Variants in GRIA1 observed in about 807,000 individuals in gnomAD.
GRIA1 encodes glutamate ionotropic receptor AMPA type subunit 1, also known as glutamate receptor 1.
GRIA1 carries 31 observed loss-of-function variants against 99.2 expected under a neutral mutation model. The observed-to-expected ratio is 0.31, with a 90% confidence interval of 0.23 to 0.42. GRIA1 has a LOEUF of 0.42. Ranked by LOEUF, GRIA1 falls within the 10% of genes least tolerant of loss-of-function variation. GRIA1 has a pLI of 1.00. For missense variants in GRIA1, 782 were observed against 1,157.5 expected (o/e 0.68, Z 4.71); for synonymous variants, 438 against 432.4 (o/e 1.01, Z -0.16).
chr5:153,801,357 T>A (rs1050540291), intron 14 of GRIA1, among the ~76,000 whole-genome samples: 1 of 146,958 alleles, frequency 6.8e-6, no homozygotes, highest in Non-Finnish European at 1.5e-5. Flanking sequence ...TTGATTGTTC[T>A]CACCACTTGG....
At chr5:153,711,023 G>A (rs1025120947) in intron 11 of GRIA1, among the ~76,000 whole-genome samples, 4 of 152,224 alleles carry the variant, frequency 2.6e-5, no homozygotes, top group African/African-American at 7.2e-5. Context: ...AGGTGAAAAG[G>A]AGTTTACTGC....
intron 11 of GRIA1, among the ~76,000 whole-genome samples, chr5:153,743,482 G>A (rs1372113042): frequency 1.3e-5 from 2 of 151,970 alleles, no homozygotes; most frequent in African/African-American, 2.4e-5. Context: ...TCAGTTTCTT[G>A]TAGATATAAG....
intron 1 of GRIA1, chr5:153,492,243 C>A (rs768805842): frequency 7.8e-6 from 12 of 1,535,302 alleles, no homozygotes; most frequent in Non-Finnish European, 1.0e-5. Context: ...AGCTAGCTGG[C>A]GGCTTGGAGT....
intron 11 of GRIA1, among the ~76,000 whole-genome samples, chr5:153,707,326 G>T (rs1758970152): frequency 6.6e-6 from 1 of 152,118 alleles, no homozygotes; most frequent in Admixed American, 6.5e-5. Context: ...AGAAAGGGTG[G>T]ACAGGAGATG....
rs185638907 is a variant in GRIA1 at position 153,569,763 on chromosome 5, C to T, written c.220+75698C>T. Among the ~76,000 whole-genome samples the T allele has an allele frequency of 3.2e-3, 492 of 152,256 alleles. 2 individuals are homozygous for T. Among genetic ancestry groups the T allele is most frequent in the Admixed American group, 6.8e-3 (104 of 15,282 alleles). ...AACTATTAAGATTCCTGCAGATAGG[C>T]ATAACTACTTACAGCCTTTTCTGTG... On this transcript the variant is annotated intron_variant, in intron 2 of 15. Transcript: ENST00000285900.
intron 5 of GRIA1, among the ~76,000 whole-genome samples, chr5:153,666,498 A>C (rs1265640013): frequency 6.6e-6 from 1 of 152,150 alleles, no homozygotes; most frequent in African/African-American, 2.4e-5. Flanking sequence ...TGAGTGCTTC[A>C]TTGCAGGACA....
intron 2 of GRIA1, among the ~76,000 whole-genome samples, chr5:153,501,779 G>A (rs1755034540): frequency 6.6e-6 from 1 of 152,200 alleles, no homozygotes; most frequent in Admixed American, 6.5e-5. Context: ...GTTTAGGGGT[G>A]CGTTGTCATG....
In GRIA1 at chr5:153,811,007, C is replaced by T. The variant is rs769314960; in HGVS notation, c.2521-18C>T. Reference sequence around the variant, plus strand: ...ATTGCCAAGGACCCGGGGAAGAACCCCCGGTCCTCCTGAAAAGGGTTTTTG... The same window carrying T: ...ATTGCCAAGGACCCGGGGAAGAACCTCCGGTCCTCCTGAAAAGGGTTTTTG... On this transcript the variant is annotated intron_variant, in intron 15 of 15. Coordinates refer to ENST00000285900, the MANE Select transcript of GRIA1 (RefSeq NM_000827.4). 13 of 1,606,764 alleles carry T rather than the reference C, an allele frequency of 8.1e-6. No individual in the cohort carries two copies. In the Admixed American group the frequency reaches 8.3e-5, roughly 10 times the overall value.
chr5:153,496,207 G>A (rs1033729634), intron 2 of GRIA1, among the ~76,000 whole-genome samples: 2 of 152,200 alleles, frequency 1.3e-5, no homozygotes, highest in Non-Finnish European at 2.9e-5. Flanking sequence ...GTTAATGACT[G>A]TTTATTAGGG....
chr5:153,492,365 A>G, intron 1 of GRIA1: 2 of 1,437,742 alleles, frequency 1.4e-6, no homozygotes, highest in South Asian at 1.4e-5. Context: ...TTCAGGGGAG[A>G]CACTTCCCTT....
intron 2 of GRIA1, among the ~76,000 whole-genome samples, chr5:153,495,697 A>T (rs1309323368): frequency 6.6e-6 from 1 of 152,184 alleles, no homozygotes; most frequent in African/African-American, 2.4e-5. Context: ...GTTACTCACT[A>T]CCCTTAAAAA....
At chr5:153,609,789 C>T (rs1765814096) in intron 2 of GRIA1, among the ~76,000 whole-genome samples, 1 of 151,972 alleles carries the variant, frequency 6.6e-6, no homozygotes. Flanking sequence ...TCTCGATCTC[C>T]TGACCTTGTG....
At position 153,560,448 on chromosome 5, in the gene GRIA1, AC is replaced by A. The variant is rs1246489844; in HGVS notation, c.220+66388del. Among the ~76,000 whole-genome samples, 4 of 152,066 alleles carry A rather than the reference AC, an allele frequency of 2.6e-5. 1 individual carries two copies. The highest frequency in any genetic ancestry group is 2.0e-4 in the Admixed American group (3 of 15,280). ...CTCATCTTGAATTGTAGCTCCCATAACCCCCACGTGTCAAGGGAGGGACCAG... is the reference window on the plus strand; with the variant it reads ...CTCATCTTGAATTGTAGCTCCCATAACCCCACGTGTCAAGGGAGGGACCAG... On this transcript the variant is annotated intron_variant, in intron 2 of 15. Transcript: ENST00000285900.
chr5:153,568,829 T>A (rs752532626), intron 2 of GRIA1, among the ~76,000 whole-genome samples: 1 of 152,200 alleles, frequency 6.6e-6, no homozygotes, highest in Non-Finnish European at 1.5e-5. Context: ...AAATTCACAT[T>A]TCCAACTCTG....
intron 11 of GRIA1, among the ~76,000 whole-genome samples, chr5:153,727,234 C>T (rs1027413477): frequency 6.6e-6 from 1 of 152,080 alleles, no homozygotes; most frequent in Admixed American, 6.5e-5. Flanking sequence ...TGGGACGTAT[C>T]TCAAAATAAT....
intron 2 of GRIA1, among the ~76,000 whole-genome samples, chr5:153,608,320 C>T (rs922575092): frequency 6.6e-6 from 1 of 152,046 alleles, no homozygotes; most frequent in Admixed American, 6.6e-5. Flanking sequence ...GAGCTTTTGG[C>T]AATTAATTCT....
chr5:153,587,743 T>C (rs773818790), intron 2 of GRIA1, among the ~76,000 whole-genome samples: 41 of 152,190 alleles, frequency 2.7e-4, no homozygotes, highest in Admixed American at 1.7e-3. Context: ...TCCCAGGCAA[T>C]GTGGTAGGCT....
chr5:153,625,449 C>CGACT (rs1425498045), intron 2 of GRIA1, among the ~76,000 whole-genome samples: 3 of 152,142 alleles, frequency 2.0e-5, no homozygotes, highest in African/African-American at 4.8e-5. Context: ...CGGCATTTGC[C>CGACT]GACTGACTTC....
At chr5:153,638,794 A>AT (rs1428851623) in intron 2 of GRIA1, among the ~76,000 whole-genome samples, 2 of 152,232 alleles carry the variant, frequency 1.3e-5, no homozygotes, top group Non-Finnish European at 2.9e-5. Flanking sequence ...AGACGCACAC[A>AT]TTTTTATGTA....
Sources: gnomAD v4.1 joint callset for allele counts (sites outside exome capture counted in the v4.1 genomes callset) on GRCh38, gnomAD v4.1.1 for gene constraint, MANE v1.5 for transcripts, NCBI Gene and HGNC (gene_info 2026-07-23, HGNC 2026-07-21) for gene names.